CHL1: variants seen among roughly 807,000 people sequenced by gnomAD.
CHL1 encodes the protein cell adhesion molecule L1 like.
Under a neutral mutation model 141.9 loss-of-function variants are expected in CHL1, and 96 were observed. The ratio of observed to expected loss-of-function variants is 0.68; its 90% confidence interval spans 0.57 to 0.80. The LOEUF is 0.80. Among genes scored for constraint, CHL1 ranks in the 30% least tolerant of loss-of-function variants. The pLI, the probability that CHL1 is intolerant of heterozygous loss-of-function variation, is 0.00. For missense variants in CHL1, 1,820 were observed against 1,457.2 expected (o/e 1.25, Z -4.05); for synonymous variants, 613 against 502.2 (o/e 1.22, Z -2.95).
At chr3:222,818 A>G (rs1049401522) in intron 1 of CHL1, among the ~76,000 whole-genome samples, 1 of 152,094 alleles carries the variant, frequency 6.6e-6, no homozygotes, top group Non-Finnish European at 1.5e-5. Context: ...TTTCTAAGGG[A>G]TTTTAATTCA....
chr3:241,287 G>C (rs4685488), intron 1 of CHL1, among the ~76,000 whole-genome samples: 77,254 of 152,026 alleles, frequency 0.51, 21,281 homozygotes, highest in Non-Finnish European at 0.62. Context: ...GTGAAGCCAA[G>C]TTTTCTTCCA....
chr3:289,308 G>T (rs940555293), intron 2 of CHL1, among the ~76,000 whole-genome samples: 1 of 152,072 alleles, frequency 6.6e-6, no homozygotes, highest in African/African-American at 2.4e-5. Flanking sequence ...CAAACTTACC[G>T]ATAACACATT....
intron 1 of CHL1, among the ~76,000 whole-genome samples, chr3:240,064 AG>A (rs1692405853): frequency 6.6e-6 from 1 of 152,172 alleles, no homozygotes; most frequent in South Asian, 2.1e-4. Context: ...TGCATGTGCA[AG>A]TACCTTTTCT....
Position 340,695 on chromosome 3 carries a change from A to C in CHL1, c.386-99A>C, listed in dbSNP as rs371427321. The C allele has an allele frequency of 1.5e-4, 150 of 1,005,976 alleles. 1 individual carries two copies. In the African/African-American group the frequency reaches 2.2e-3, roughly 15 times the overall value. The allele number at this position is 1,005,976 out of a possible 1,614,324, so 62.3% of individuals were successfully genotyped here. A position where few individuals can be genotyped will look rare whatever the true frequency, so the allele number is the denominator to read the frequency against. Reference sequence around the variant, plus strand: ...AGGATCTGTAGCATAGAATTTATTTAAATTGCTGAATTTTGAAAAAAAAGA... The same window carrying C: ...AGGATCTGTAGCATAGAATTTATTTCAATTGCTGAATTTTGAAAAAAAAGA... On this transcript the variant is annotated intron_variant, in intron 5 of 27. Coordinates refer to ENST00000256509, the MANE Select transcript of CHL1 (RefSeq NM_006614.4).
intron 2 of CHL1, among the ~76,000 whole-genome samples, chr3:272,220 G>A (rs1695696888): frequency 6.6e-6 from 1 of 152,158 alleles, no homozygotes; most frequent in African/African-American, 2.4e-5. Flanking sequence ...ATAAGCACAT[G>A]TAGCAATGCC....
rs73103159 is a variant in CHL1, at chr3:343,281, A to T, written c.727+250A>T. On this transcript the variant is annotated intron_variant, in intron 8 of 27. Coordinates refer to ENST00000256509, the MANE Select transcript of CHL1 (RefSeq NM_006614.4). ...TAATGCATTGAATAGACAGATAGAG[A>T]TATTTAATGGAGTAATTATTTTGGG... Among the ~76,000 whole-genome samples, 614 of 152,272 alleles carry T rather than the reference A, an allele frequency of 4.0e-3. 11 individuals are homozygous for T. The highest frequency in any genetic ancestry group is 0.014 in the African/African-American group (583 of 41,574).
intron 2 of CHL1, among the ~76,000 whole-genome samples, chr3:298,486 T>C (rs1305288626): frequency 6.6e-6 from 1 of 152,170 alleles, no homozygotes; most frequent in African/African-American, 2.4e-5. Context: ...GTAATTAAAA[T>C]CTCCATTTAT....
intron 2 of CHL1, among the ~76,000 whole-genome samples, chr3:304,198 T>TTTG (rs765376789): frequency 2.6e-5 from 4 of 152,128 alleles, no homozygotes; most frequent in Admixed American, 6.5e-5. Flanking sequence ...GGCCTGAATT[T>TTTG]TTGTTGTTGT....
intron 2 of CHL1, among the ~76,000 whole-genome samples, chr3:245,096 G>A (rs1693038216): frequency 6.6e-6 from 1 of 152,104 alleles, no homozygotes; most frequent in Non-Finnish European, 1.5e-5. Context: ...TGTATTTTCA[G>A]GGGGTTAACA....
At chr3:352,533 G>C (rs1001807269) in intron 10 of CHL1, among the ~76,000 whole-genome samples, 1 of 152,034 alleles carries the variant, frequency 6.6e-6, no homozygotes, top group African/African-American at 2.4e-5. Context: ...ATTTTCATCT[G>C]TTACCATATG....
At chr3:293,743 A>G (rs532799263) in intron 2 of CHL1, among the ~76,000 whole-genome samples, 1 of 152,226 alleles carries the variant, frequency 6.6e-6, no homozygotes, top group African/African-American at 2.4e-5. Flanking sequence ...CATATTGGAT[A>G]CATTTACTTA....
rs186300495 is a variant in CHL1 at position 377,536 on chromosome 3, C to T, written c.1752-282C>T. ...GGTATGATGCACTCTTTAAACATGC[C>T]AGGCAACATACAGTTCCATCACTGA... On this transcript the variant is annotated intron_variant, in intron 15 of 27. Transcript: ENST00000256509. Among the ~76,000 whole-genome samples, 10 of 152,234 alleles carry T rather than the reference C, an allele frequency of 6.6e-5. No individual in the cohort carries two copies. The East Asian group carries it at 1.9e-3, about 29-fold the overall frequency.
chr3:242,550 T>G (rs570361730), intron 1 of CHL1, among the ~76,000 whole-genome samples: 18 of 151,926 alleles, frequency 1.2e-4, no homozygotes, highest in Admixed American at 6.6e-4. Flanking sequence ...GAGCCGAGAT[T>G]GTGCCACTGC....
intron 23 of CHL1, 150 bp from the exon 24 acceptor site, chr3:394,543 G>T (rs911320103): frequency 3.1e-5 from 19 of 614,346 alleles, no homozygotes; most frequent in African/African-American, 1.5e-4. Context: ...CATAGTAGTT[G>T]TATGTACCTC....
intron 2 of CHL1, among the ~76,000 whole-genome samples, chr3:293,208 A>G (rs2125350229): frequency 6.6e-6 from 1 of 152,306 alleles, no homozygotes; most frequent in Non-Finnish European, 1.5e-5. Flanking sequence ...ATAAACTACA[A>G]AAAAAACTTG....
chr3:326,313 C>A (rs576672180), intron 4 of CHL1, among the ~76,000 whole-genome samples: 9 of 152,094 alleles, frequency 5.9e-5, no homozygotes, highest in African/African-American at 2.2e-4. Context: ...GTCTTTGGTA[C>A]AGCAGAAATA....
intron 2 of CHL1, among the ~76,000 whole-genome samples, chr3:311,826 T>C (rs1470149671): frequency 6.6e-6 from 1 of 152,162 alleles, no homozygotes; most frequent in East Asian, 1.9e-4. Context: ...ATTTGAAAAA[T>C]AGTCCCTACA....
intron 14 of CHL1, among the ~76,000 whole-genome samples, chr3:364,590 A>G (rs1704630166): frequency 6.6e-6 from 1 of 152,168 alleles, no homozygotes; most frequent in Admixed American, 6.5e-5. Flanking sequence ...TGTCTATTTT[A>G]TATGTTAAAA....
chr3:325,928 T>G, intron 3 of CHL1, 31 bp from the exon 4 acceptor site: 1 of 1,453,974 alleles, frequency 6.9e-7, no homozygotes, highest in Non-Finnish European at 9.6e-7. Flanking sequence ...GTTTGAATAG[T>G]GTGTTTTTAA....
Sources: allele counts gnomAD v4.1 joint callset (sites outside exome capture counted in the v4.1 genomes callset), GRCh38; gene constraint gnomAD v4.1.1; transcripts MANE v1.5; gene names NCBI Gene and HGNC (gene_info 2026-07-23, HGNC 2026-07-21).